OPCML: variants seen among roughly 807,000 people sequenced by gnomAD.
OPCML encodes opioid binding protein/cell adhesion molecule like, also known as opioid-binding protein/cell adhesion molecule.
Under a neutral mutation model 37.8 loss-of-function variants are expected in OPCML, and 13 were observed. That is an observed-to-expected ratio of 0.34 (90% CI 0.22 to 0.55). The LOEUF is 0.55. Among genes scored for constraint, OPCML ranks in the 20% least tolerant of loss-of-function variants. The probability of loss-of-function intolerance (pLI) is 0.91; values close to 1 mark genes in which losing one functional copy is unlikely to be tolerated. For synonymous variants in OPCML, 176 were observed against 168.8 expected (o/e 1.04, Z -0.33); for missense variants, 341 against 435.6 (o/e 0.78, Z 1.93).
chr11:132,705,519 G>T (rs1943997816), intron 2 of OPCML, among the ~76,000 whole-genome samples: 1 of 152,088 alleles, frequency 6.6e-6, no homozygotes, highest in Non-Finnish European at 1.5e-5. Flanking sequence ...CTTGAGCCCA[G>T]GAGGCAGAGG....
At chr11:133,320,924 T>G (rs1485920504) in intron 1 of OPCML, among the ~76,000 whole-genome samples, 1 of 152,178 alleles carries the variant, frequency 6.6e-6, no homozygotes, top group African/African-American at 2.4e-5. Flanking sequence ...GCTGAGGATG[T>G]GGTCTTATCA....
At chr11:133,070,121 C>T (rs984948696) in intron 1 of OPCML, among the ~76,000 whole-genome samples, 1 of 152,064 alleles carries the variant, frequency 6.6e-6, no homozygotes, top group Non-Finnish European at 1.5e-5. Flanking sequence ...TCCGTTCCAC[C>T]ATAAAGTGAT....
At chr11:132,603,668 A>G (rs776972370) in intron 3 of OPCML, among the ~76,000 whole-genome samples, 1 of 152,204 alleles carries the variant, frequency 6.6e-6, no homozygotes. Flanking sequence ...GAAGGATAAC[A>G]TCAAAACTTA....
chr11:132,528,100 T>C (rs1304044466), intron 4 of OPCML, among the ~76,000 whole-genome samples: 1 of 152,176 alleles, frequency 6.6e-6, no homozygotes, highest in Admixed American at 6.6e-5. Context: ...TTCTGTTATT[T>C]AAATCACACA....
chr11:133,193,545 T>C (rs1054919617), intron 1 of OPCML, among the ~76,000 whole-genome samples: 2 of 152,158 alleles, frequency 1.3e-5, no homozygotes, highest in African/African-American at 4.8e-5. Context: ...TTCCAGGAAA[T>C]GAAAACCACT....
chr11:133,413,946 C>T (rs1236183622), intron 1 of OPCML, among the ~76,000 whole-genome samples: 3 of 152,138 alleles, frequency 2.0e-5, no homozygotes, highest in African/African-American at 7.2e-5. Flanking sequence ...GGAGCTGCCT[C>T]TCCAGCCAAA....
intron 1 of OPCML, among the ~76,000 whole-genome samples, chr11:133,038,495 C>A (rs1947825725): frequency 1.3e-5 from 2 of 152,144 alleles, no homozygotes; most frequent in African/African-American, 4.8e-5. Flanking sequence ...TAAAAAGATT[C>A]ATTATTTTAA....
intron 2 of OPCML, among the ~76,000 whole-genome samples, chr11:132,836,562 T>TGGATTATGACA (rs1941011860): frequency 6.6e-6 from 1 of 152,222 alleles, no homozygotes; most frequent in Admixed American, 6.5e-5. Flanking sequence ...TTAACCTCAT[T>TGGATTATGACA]GGATTATGAC....
At chr11:133,252,089 A>T (rs557104993) in intron 1 of OPCML, among the ~76,000 whole-genome samples, 5 of 152,296 alleles carry the variant, frequency 3.3e-5, no homozygotes, top group African/African-American at 9.6e-5. Flanking sequence ...TACCCATTAA[A>T]ATCTTTGCTG....
intron 1 of OPCML, among the ~76,000 whole-genome samples, chr11:133,079,390 C>T (rs1165745038): frequency 6.6e-6 from 1 of 152,112 alleles, no homozygotes; most frequent in Admixed American, 6.5e-5. Context: ...TGATGGGCAG[C>T]TGGAGTAGAT....
intron 2 of OPCML, among the ~76,000 whole-genome samples, chr11:132,701,596 C>T (rs912363684): frequency 1.3e-5 from 2 of 152,102 alleles, no homozygotes; most frequent in African/African-American, 2.4e-5. Context: ...TGTGTTTATG[C>T]TCTCAGCCAC....
chr11:133,213,215 CATA>C (rs1939438362), intron 1 of OPCML, among the ~76,000 whole-genome samples: 1 of 128,896 alleles, frequency 7.8e-6, no homozygotes, highest in South Asian at 2.8e-4. Flanking sequence ...ACATGATATT[CATA>C]ATGAGTTTTT....
chr11:132,826,487 G>A (rs1298478622), intron 2 of OPCML, among the ~76,000 whole-genome samples: 2 of 152,062 alleles, frequency 1.3e-5, no homozygotes, highest in Non-Finnish European at 2.9e-5. Flanking sequence ...AAGGGGCAGA[G>A]GTGAAAAAAA....
chr11:133,491,572 G>A (rs1430717605), intron 1 of OPCML, among the ~76,000 whole-genome samples: 1 of 152,150 alleles, frequency 6.6e-6, no homozygotes, highest in Non-Finnish European at 1.5e-5. Context: ...GGGAGCACTG[G>A]GAAAGGGGAA....
At chr11:132,478,148 A>G (rs1470528803) in intron 4 of OPCML, among the ~76,000 whole-genome samples, 1 of 152,236 alleles carries the variant, frequency 6.6e-6, no homozygotes, top group African/African-American at 2.4e-5. Context: ...AAATGATATA[A>G]TACAGTATAT....
At chr11:133,220,713 T>G (rs959020903) in intron 1 of OPCML, among the ~76,000 whole-genome samples, 7 of 152,096 alleles carry the variant, frequency 4.6e-5, no homozygotes, top group Non-Finnish European at 7.3e-5. Flanking sequence ...CCCCCAAAAG[T>G]CTCAGAGAGC....
At chr11:133,070,157 G>A (rs1948501419) in intron 1 of OPCML, among the ~76,000 whole-genome samples, 1 of 152,200 alleles carries the variant, frequency 6.6e-6, no homozygotes, top group South Asian at 2.1e-4. Context: ...TCGGGCATCT[G>A]CATTACAAAT....
intron 1 of OPCML, among the ~76,000 whole-genome samples, chr11:133,215,700 A>G (rs1291183958): frequency 1.3e-5 from 2 of 152,076 alleles, no homozygotes; most frequent in East Asian, 3.9e-4. Flanking sequence ...GCCCCGAGGG[A>G]GCAGAACCCA....
At chr11:132,765,408 T>A (rs969395298) in intron 2 of OPCML, among the ~76,000 whole-genome samples, 2 of 152,202 alleles carry the variant, frequency 1.3e-5, no homozygotes, top group African/African-American at 4.8e-5. Context: ...AATGCGAGAT[T>A]TCTAGACCTG....
Sources: gnomAD v4.1 joint callset for allele counts (sites outside exome capture counted in the v4.1 genomes callset) on GRCh38, gnomAD v4.1.1 for gene constraint, MANE v1.5 for transcripts, NCBI Gene and HGNC (gene_info 2026-07-23, HGNC 2026-07-21) for gene names.